FGFR2: variants seen among roughly 807,000 people sequenced by gnomAD.
FGFR2 encodes the protein BEK fibroblast growth factor receptor.
A neutral mutation model predicts 95.9 loss-of-function variants in FGFR2; 19 were observed. The ratio of observed to expected loss-of-function variants is 0.20; its 90% CI spans 0.14 to 0.29. The LOEUF (loss-of-function observed/expected upper bound fraction) is 0.29, where lower values mean the gene tolerates loss of function less well. Among genes scored for constraint, FGFR2 ranks in the 10% least tolerant of loss-of-function variants. The pLI, the probability that FGFR2 is intolerant of heterozygous loss-of-function variation, is 1.00. For synonymous variants in FGFR2, 392 were observed against 393.3 expected (o/e 1.00, Z 0.04); for missense variants, 707 against 1,056.9 (o/e 0.67, Z 4.59).
Position 121,532,738 on chromosome 10 carries a change from A to G in FGFR2, c.748+5854T>C, listed in dbSNP as rs1042137462. Reference sequence around the variant, plus strand: ...TGGGGATGGGCTGCCAAAAGCTCCCAAAACTCCCTTCCAGGTGTCAACTCC... The same window carrying G: ...TGGGGATGGGCTGCCAAAAGCTCCCGAAACTCCCTTCCAGGTGTCAACTCC... On this transcript the variant is annotated intron_variant, in intron 6 of 17. Transcript: ENST00000358487. 3.9e-5 allele frequency among the ~76,000 whole-genome samples: 6 copies of G among 152,316 alleles called. No homozygotes were observed. The East Asian group carries it at 7.7e-4, about 20-fold the overall frequency.
chr10:121,528,917 C>G (rs939718881), intron 6 of FGFR2, among the ~76,000 whole-genome samples: 2 of 152,072 alleles, frequency 1.3e-5, no homozygotes, highest in Non-Finnish European at 2.9e-5. Flanking sequence ...TTTTTCAGTC[C>G]AAAATGTAAA....
intron 6 of FGFR2, among the ~76,000 whole-genome samples, chr10:121,534,091 C>CTTTTTTTTT (rs1022674124): frequency 9.8e-5 from 9 of 92,118 alleles, no homozygotes; most frequent in African/African-American, 3.3e-4. Context: ...CCCAAAATGG[C>CTTTTTTTTT]TTTTTTTTTT....
intron 10 of FGFR2, among the ~76,000 whole-genome samples, chr10:121,501,390 C>G (rs1847584291): frequency 6.6e-6 from 1 of 152,092 alleles, no homozygotes. Flanking sequence ...GGTCACATTC[C>G]TTGCCAAGTT....
intron 13 of FGFR2, among the ~76,000 whole-genome samples, chr10:121,489,725 A>T (rs3135796): frequency 0.02 from 3,010 of 152,278 alleles, 92 homozygotes; most frequent in African/African-American, 0.069. Flanking sequence ...TATTCTTTAC[A>T]CATTCCTCCC....
intron 13 of FGFR2, among the ~76,000 whole-genome samples, chr10:121,490,315 C>T (rs1845972381): frequency 6.6e-6 from 1 of 151,718 alleles, no homozygotes; most frequent in African/African-American, 2.4e-5. Context: ...CAGGTGCCCA[C>T]CACCACATCA....
rs548012317 is a variant in FGFR2, at chr10:121,481,930, C to T, written c.2301+1768G>A. 7.4e-4 allele frequency: 235 copies of T among 316,302 alleles called. 1 individual carries two copies. Among genetic ancestry groups the T allele is most frequent in the African/African-American group, 4.7e-3 (216 of 46,408 alleles). 19.6% of individuals were successfully genotyped at this position (316,302 alleles called of 1,614,324 possible). On this transcript the variant is annotated intron_variant, in intron 17 of 17. Coordinates refer to ENST00000358487, the MANE Select transcript of FGFR2 (RefSeq NM_000141.5). ...CGGCTCACTGCAACCTCCGCCTCCC[C>T]GGTTCAAGTGACTCTCCTGCCTCAG...
At chr10:121,565,336 T>C in intron 3 of FGFR2, 102 bp downstream of exon 3, 2 of 1,458,486 alleles carry the variant, frequency 1.4e-6, no homozygotes. Context: ...GCTGTATGCC[T>C]GGCATCCAAT....
intron 2 of FGFR2, 123 bp from the exon 3 acceptor site, chr10:121,565,827 G>T: frequency 8.6e-7 from 1 of 1,168,270 alleles, no homozygotes; most frequent in Non-Finnish European, 1.2e-6. Flanking sequence ...TCTGCAAATG[G>T]CCCCAGCAGG....
intron 5 of FGFR2, among the ~76,000 whole-genome samples, chr10:121,542,913 A>G (rs930045244): frequency 4.6e-5 from 7 of 152,224 alleles, no homozygotes; most frequent in Non-Finnish European, 5.9e-5. Flanking sequence ...GTGAAAGGTT[A>G]AAGACCCAGG....
intron 2 of FGFR2, among the ~76,000 whole-genome samples, chr10:121,578,165 A>G (rs1177588659): frequency 3.3e-5 from 5 of 152,096 alleles, no homozygotes; most frequent in Admixed American, 6.5e-5. Context: ...ATCTTCTGAA[A>G]AGCACATGAT....
At chr10:121,536,325 G>A (rs888550173) in intron 6 of FGFR2, among the ~76,000 whole-genome samples, 4 of 152,044 alleles carry the variant, frequency 2.6e-5, no homozygotes, top group Non-Finnish European at 5.9e-5. Flanking sequence ...ACTGACTTTT[G>A]GCTTCTATTT....
intron 1 of FGFR2, among the ~76,000 whole-genome samples, chr10:121,596,302 G>A (rs1863422997): frequency 6.6e-6 from 1 of 152,194 alleles, no homozygotes; most frequent in Admixed American, 6.5e-5. Context: ...GTGACAAGCA[G>A]GAAGGGCTTG....
intron 16 of FGFR2, among the ~76,000 whole-genome samples, chr10:121,484,346 C>T (rs1845135474): frequency 6.6e-6 from 1 of 152,134 alleles, no homozygotes; most frequent in Admixed American, 6.5e-5. Flanking sequence ...ACACTAACTT[C>T]CTGATTAACT....
In FGFR2 at chr10:121,594,043, T is replaced by C. The variant is rs911830571; in HGVS notation, c.-150-76A>G. Reference sequence around the variant, plus strand: ...CTCCAGCCCAAGTGGGATAAAACCATTTTTCAGCCTCTCAAATGTGCGCAA... The same window carrying C: ...CTCCAGCCCAAGTGGGATAAAACCACTTTTCAGCCTCTCAAATGTGCGCAA... On this transcript the variant is annotated intron_variant, in intron 1 of 17. Transcript: ENST00000358487. 8.1e-6 allele frequency: 5 copies of C among 615,106 alleles called. No homozygotes were observed. The East Asian group carries it at 1.1e-4, about 14-fold the overall frequency. The allele number at this position is 615,106 out of a possible 1,614,324, so 38.1% of individuals were successfully genotyped here.
chr10:121,549,579 T>C (rs1032928061), intron 5 of FGFR2, among the ~76,000 whole-genome samples: 1 of 152,200 alleles, frequency 6.6e-6, no homozygotes, highest in African/African-American at 2.4e-5. Flanking sequence ...GTGGTGGCTG[T>C]CCCTTCCAAC....
In FGFR2 at chr10:121,479,794, T is replaced by TGAG; in HGVS notation, c.*62_*63insCTC. On this transcript the variant is annotated 3_prime_UTR_variant, in exon 18 of 18. Coordinates refer to ENST00000358487, the MANE Select transcript of FGFR2 (RefSeq NM_000141.5). ...ACAACAAGCTCTGGGAGGCATGGTC[T>TGAG]CCCTGCTCAGTGTAGCTAGGTTCCC... 2 of 1,613,752 alleles carry TGAG rather than the reference T, an allele frequency of 1.2e-6. No individual in the cohort carries two copies. The highest frequency in any genetic ancestry group is 1.7e-6 in the Non-Finnish European group (2 of 1,179,722).
rs776587763 is a variant in FGFR2, at chr10:121,520,085, C to A, written c.833G>T (p.Cys278Phe). Residue 278 changes from cysteine (C) to phenylalanine (F), a missense_variant, in exon 7 of 18, where the codon TGC becomes TTC. Physicochemically the swap from Cys to Phe is radical, Grantham distance 205. Transcript: ENST00000358487. Reference sequence around the variant, plus strand: ...GGGCTGGGCATCACTGTAAACCTTGCAGACAAACTCTACGTCTCCTCCGAC... The same window carrying A: ...GGGCTGGGCATCACTGTAAACCTTGAAGACAAACTCTACGTCTCCTCCGAC... ...TVVGGDVEFV[C>F]KVYSDAQPHI... 1 of 1,614,242 alleles carries A rather than the reference C, an allele frequency of 6.2e-7. No homozygotes were observed. The highest frequency in any genetic ancestry group is 8.5e-7 in the Non-Finnish European group (1 of 1,180,038).
chr10:121,587,963 T>C (rs562498592), intron 2 of FGFR2, among the ~76,000 whole-genome samples: 2 of 152,172 alleles, frequency 1.3e-5, no homozygotes, highest in African/African-American at 4.8e-5. Flanking sequence ...TGCAGCACTA[T>C]TCACAATAGC....
intron 16 of FGFR2, among the ~76,000 whole-genome samples, chr10:121,484,872 T>C (rs1192244993): frequency 6.6e-6 from 1 of 152,150 alleles, no homozygotes; most frequent in Non-Finnish European, 1.5e-5. Flanking sequence ...GTGGTTGGCG[T>C]CAATCTGTAA....
Sources: allele counts gnomAD v4.1 joint callset (sites outside exome capture counted in the v4.1 genomes callset), GRCh38; gene constraint gnomAD v4.1.1; transcripts MANE v1.5; gene names NCBI Gene and HGNC (gene_info 2026-07-23, HGNC 2026-07-21).